KIF3B: variants seen among roughly 807,000 people sequenced by gnomAD.
KIF3B encodes the protein kinesin-like protein KIF3B.
Under a neutral mutation model 74.3 loss-of-function variants are expected in KIF3B, and 38 were observed. That is an observed-to-expected ratio of 0.51 (90% CI 0.39 to 0.67). The LOEUF (loss-of-function observed/expected upper bound fraction) is 0.67, where lower values mean the gene tolerates loss of function less well. Among genes scored for constraint, KIF3B ranks in the 30% least tolerant of loss-of-function variants. The pLI is 0.00. For synonymous variants in KIF3B, 326 were observed against 342.5 expected (o/e 0.95, Z 0.53); for missense variants, 649 against 932.0 (o/e 0.70, Z 3.95).
At chr20:32,304,924 T>G (rs2047762224) in intron 1 of KIF3B, among the ~76,000 whole-genome samples, 1 of 151,236 alleles carries the variant, frequency 6.6e-6, no homozygotes, top group Non-Finnish European at 1.5e-5. Context: ...GTGGATCACC[T>G]GAGGTCAGGA....
chr20:32,316,402 C>T, intron 3 of KIF3B, 83 bp downstream of exon 3: 1 of 1,544,674 alleles, frequency 6.5e-7, no homozygotes, highest in East Asian at 2.3e-5. Context: ...ATTAGACTCT[C>T]TTCAAAGAGA....
intron 5 of KIF3B, among the ~76,000 whole-genome samples, chr20:32,324,429 C>T (rs936406969): frequency 6.6e-6 from 1 of 152,126 alleles, no homozygotes; most frequent in Non-Finnish European, 1.5e-5. Context: ...AAGGCTGGGG[C>T]AGGGCCTGAG....
intron 1 of KIF3B, among the ~76,000 whole-genome samples, chr20:32,294,778 CT>C (rs2047708751): frequency 6.6e-6 from 1 of 152,202 alleles, no homozygotes; most frequent in Non-Finnish European, 1.5e-5. Context: ...TTAACAATGT[CT>C]TTACTCTGTG....
chr20:32,287,137 A>G (rs1045684054), intron 1 of KIF3B, among the ~76,000 whole-genome samples: 1 of 152,178 alleles, frequency 6.6e-6, no homozygotes, highest in Non-Finnish European at 1.5e-5. Flanking sequence ...ACATTATTTC[A>G]TAACCATTTT....
In KIF3B at chr20:32,308,721, T is replaced by C. The variant is rs2122689469; in HGVS notation, c.-65-992T>C. On this transcript the variant is annotated intron_variant, in intron 1 of 8. Coordinates refer to ENST00000375712, the MANE Select transcript of KIF3B (RefSeq NM_004798.4). The stretch of plus-strand genomic sequence containing the variant: ...CCACTGAGCCTGGTCATTATTTTTA[T>C]TTTACTTTTTTTTTTTTTTTTTGAG... 1.4e-5 allele frequency among the ~76,000 whole-genome samples: 2 copies of C among 148,000 alleles called. 1 individual carries two copies. The highest frequency in any genetic ancestry group is 4.3e-4 in the South Asian group (2 of 4,680).
intron 1 of KIF3B, among the ~76,000 whole-genome samples, chr20:32,305,813 C>T (rs1396676331): frequency 6.6e-6 from 1 of 151,140 alleles, no homozygotes; most frequent in East Asian, 2.0e-4. Flanking sequence ...CGAACTGCTG[C>T]TCAGGTGATC....
At chr20:32,299,404 T>TATATATATATA (rs1555895045) in intron 1 of KIF3B, among the ~76,000 whole-genome samples, 11 of 31,310 alleles carry the variant, frequency 3.5e-4, no homozygotes, top group South Asian at 1.0e-3. Context: ...TATATATATA[T>TATATATATATA]TTTTTTTTTT....
At chr20:32,294,935 TTAA>T (rs370028001) in intron 1 of KIF3B, among the ~76,000 whole-genome samples, 11 of 152,376 alleles carry the variant, frequency 7.2e-5, no homozygotes, top group African/African-American at 2.6e-4. Context: ...GTTGCCATTT[TTAA>T]TGACTTCATA....
intron 1 of KIF3B, among the ~76,000 whole-genome samples, chr20:32,292,724 T>G (rs1420261732): frequency 6.6e-6 from 1 of 151,444 alleles, no homozygotes; most frequent in Non-Finnish European, 1.5e-5. Flanking sequence ...GCCACTGCAC[T>G]CCAGCCTGGG....
chr20:32,306,607 T>C (rs1193760415), intron 1 of KIF3B, among the ~76,000 whole-genome samples: 1 of 103,842 alleles, frequency 9.6e-6, no homozygotes, highest in African/African-American at 3.8e-5. Flanking sequence ...TTTTTTTTTT[T>C]TGAGACGGAG....
chr20:32,327,337 G>A (rs2047908658), intron 6 of KIF3B, among the ~76,000 whole-genome samples: 1 of 152,134 alleles, frequency 6.6e-6, no homozygotes, highest in South Asian at 2.1e-4. Flanking sequence ...TGTGAATGCT[G>A]TCTAAGAACT....
chr20:32,300,953 C>T (rs892478970), intron 1 of KIF3B, among the ~76,000 whole-genome samples: 3 of 151,996 alleles, frequency 2.0e-5, no homozygotes, highest in African/African-American at 7.3e-5. Context: ...GTAGCCTTGA[C>T]TTGGGCTTAC....
intron 1 of KIF3B, 37 bp from the exon 2 acceptor site, chr20:32,309,676 A>G (rs2047789730): frequency 4.5e-6 from 6 of 1,347,146 alleles, no homozygotes; most frequent in Admixed American, 5.1e-5. Context: ...TGCAATGACA[A>G]CGGTACTGTG....
chr20:32,325,503 T>C (rs974546473), intron 5 of KIF3B, among the ~76,000 whole-genome samples: 1 of 151,902 alleles, frequency 6.6e-6, no homozygotes, highest in Non-Finnish European at 1.5e-5. Context: ...TTTTTACATT[T>C]TCTAATGAAT....
At position 32,310,943 on chromosome 20, in the gene KIF3B, G is replaced by T; in HGVS notation, c.1166G>T (p.Ser389Ile). 1 of 1,611,614 alleles carries T rather than the reference G, an allele frequency of 6.2e-7. No individual in the cohort carries two copies. Among genetic ancestry groups the T allele is most frequent in the South Asian group, 1.1e-5 (1 of 91,014 alleles). The change falls in exon 2 of 9, where the codon AGT becomes ATT. Residue 389 changes from serine to isoleucine, a missense_variant. This residue lies in a region of KIF3B where 363 missense variants were observed against 592.8 expected (regional missense o/e 0.61). Coordinates refer to ENST00000375712, the MANE Select transcript of KIF3B (RefSeq NM_004798.4). The surrounding 1 kb of genome is among the most constrained non-coding windows in gnomAD (Gnocchi z 6.5). ...RREKRREGGG[S>I]GGGGEEEEEE... Reference sequence around the variant, plus strand: ...GAGAAGCGGAGGGAAGGTGGTGGCAGTGGTGGGGGTGGGGAAGAGGAGGAG... The same window carrying T: ...GAGAAGCGGAGGGAAGGTGGTGGCATTGGTGGGGGTGGGGAAGAGGAGGAG...
chr20:32,324,819 A>T (rs887141018), intron 5 of KIF3B, among the ~76,000 whole-genome samples: 1 of 152,174 alleles, frequency 6.6e-6, no homozygotes, highest in African/African-American at 2.4e-5. Context: ...GCCTGAGCTC[A>T]GGAGCTCAAG....
In KIF3B at chr20:32,331,561, G is replaced by A. The variant is rs1424051650; in HGVS notation, c.*242G>A. ...GAAATGCATGGGTAAGGTAAAGTGC[G>A]ATAGTTCAAGTGGAAAGCAAGAGAA... On this transcript the variant is annotated 3_prime_UTR_variant, in exon 9 of 9. Transcript: ENST00000375712. The A allele has an allele frequency of 2.2e-5, 11 of 504,274 alleles. No homozygotes were observed. The highest frequency in any genetic ancestry group is 3.8e-5 in the Non-Finnish European group (11 of 289,506). The allele number at this position is 504,274 out of a possible 1,614,324, so 31.2% of individuals were successfully genotyped here.
Position 32,316,232 on chromosome 20 carries a change from G to A in KIF3B, c.1419G>A (p.Lys473=). 6.2e-7 allele frequency: 1 copy of A among 1,603,380 alleles called. No individual in the cohort carries two copies. The highest frequency in any genetic ancestry group is 8.5e-7 in the Non-Finnish European group (1 of 1,170,282). The stretch of plus-strand genomic sequence containing the variant: ...TTCTCACTCAGGCCATGGAGAGTAA[G>A]TTGCTTGTTGGAGGAAAAAATATAG... ...LGAKIKAMES[K]LLVGGKNIVD... The change falls in exon 3 of 9, where the codon AAG becomes AAA. Residue 473 remains lysine (K), a synonymous_variant. Coordinates refer to ENST00000375712, the MANE Select transcript of KIF3B (RefSeq NM_004798.4).
chr20:32,322,742 T>TTATATATATTTATATA (rs1555896694), intron 5 of KIF3B, among the ~76,000 whole-genome samples: 1 of 46,704 alleles, frequency 2.1e-5, no homozygotes, highest in African/African-American at 1.2e-4. Flanking sequence ...TTATATATAT[T>TTATATATATTTATATA]TATTTATATA....
Sources: gnomAD v4.1 joint callset for allele counts (sites outside exome capture counted in the v4.1 genomes callset) on GRCh38, gnomAD v4.1.1 for gene constraint, gnomAD v4.1.1 regional missense constraint, Gnocchi (gnomAD v3.1) non-coding constraint, MANE v1.5 for transcripts, NCBI Gene and HGNC (gene_info 2026-07-23, HGNC 2026-07-21) for gene names.